The following SEM1 variants were observed in gnomAD, a reference collection of about 807,000 sequenced individuals.
SEM1 encodes the protein 26S proteasome complex subunit SEM1.
In SEM1, 3 loss-of-function variants were observed where a neutral mutation model predicts 12.7. The observed-to-expected ratio is 0.24, with a 90% CI of 0.11 to 0.61. SEM1 has a LOEUF of 0.61. Among genes scored for constraint, SEM1 ranks in the 20% least tolerant of loss-of-function variants. The probability of loss-of-function intolerance (pLI) is 0.88; values close to 1 mark genes in which losing one functional copy is unlikely to be tolerated. For synonymous variants in SEM1, 30 were observed against 27.8 expected, an observed-to-expected ratio of 1.08 and a Z score of -0.25; for missense variants, 59 against 81.3, an observed-to-expected ratio of 0.73 and a Z score of 1.06.
At chr7:96,509,153 A>ATTTTTTTTTTTTTTTTTT (rs71127457) in intron 2 of SEM1, among the ~76,000 whole-genome samples, 1 of 120,852 alleles carries the variant, frequency 8.3e-6, no homozygotes, top group African/African-American at 3.1e-5. Flanking sequence ...CGTCCAGCTA[A>ATTTTTTTTTTTTTTTTTT]TTTTTTTTTT....
At chr7:96,705,273 C>G (rs1041769559) in intron 1 of SEM1, among the ~76,000 whole-genome samples, 1 of 150,664 alleles carries the variant, frequency 6.6e-6, no homozygotes, top group Non-Finnish European at 1.5e-5. Flanking sequence ...GTATAGAATA[C>G]TTAGTATAAT....
At chr7:96,537,152 C>A (rs1563051221) in intron 2 of SEM1, among the ~76,000 whole-genome samples, 1 of 151,754 alleles carries the variant, frequency 6.6e-6, no homozygotes, top group Admixed American at 6.6e-5. Flanking sequence ...TCAAATCACA[C>A]CACCACTAAT....
At chr7:96,650,577 A>G in intron 2 of SEM1, 2 of 713,118 alleles carry the variant, frequency 2.8e-6, no homozygotes, top group Non-Finnish European at 5.1e-6. Flanking sequence ...ATTTGTAAAT[A>G]ACAACAACAA....
At chr7:96,539,186 T>C (rs1200054542) in intron 2 of SEM1, among the ~76,000 whole-genome samples, 2 of 151,812 alleles carry the variant, frequency 1.3e-5, no homozygotes, top group South Asian at 2.1e-4. Context: ...CCTTCCCCAG[T>C]TGAACCTTCA....
chr7:96,572,957 TG>T (rs994681286), intron 2 of SEM1, among the ~76,000 whole-genome samples: 1 of 152,240 alleles, frequency 6.6e-6, no homozygotes, highest in Non-Finnish European at 1.5e-5. Flanking sequence ...TTTATGAATC[TG>T]GGTGCTCCTG....
intron 2 of SEM1, among the ~76,000 whole-genome samples, chr7:96,539,607 C>T (rs73708339): frequency 0.02 from 3,031 of 151,474 alleles, 106 homozygotes; most frequent in African/African-American, 0.069. Flanking sequence ...GAAGTTATCG[C>T]ATTGAAAAAA....
intron 2 of SEM1, among the ~76,000 whole-genome samples, chr7:96,519,117 A>G (rs1804189293): frequency 6.6e-6 from 1 of 152,122 alleles, no homozygotes; most frequent in African/African-American, 2.4e-5. Context: ...TGGCACCTAG[A>G]TTTTTATGCA....
At chr7:96,653,942 G>A (rs562703688) in intron 2 of SEM1, 1 of 152,302 alleles carries the variant, frequency 6.6e-6, no homozygotes, top group African/African-American at 2.4e-5. Flanking sequence ...TATGCAATTG[G>A]AAGCTAGGCC....
In SEM1 at chr7:96,677,355, A is replaced by G. The variant is rs142237690; in HGVS notation, c.171-3496T>C. Among the ~76,000 whole-genome samples, 838 of 152,300 alleles carry G rather than the reference A, an allele frequency of 5.5e-3. 7 individuals carry two copies. The highest frequency in any genetic ancestry group is 8.7e-3 in the Non-Finnish European group (592 of 68,016). ...GTGGTTATCGTCATCTTTTCTTGGT[A>G]CAGTGACTTAGGTTTTGGACTTTGA... On this transcript the variant is annotated intron_variant, in intron 2 of 2. Coordinates refer to the SEM1 transcript ENST00000413065.
intron 2 of SEM1, among the ~76,000 whole-genome samples, chr7:96,694,403 C>T (rs548295853): frequency 1.3e-5 from 2 of 152,068 alleles, no homozygotes; most frequent in East Asian, 1.9e-4. Flanking sequence ...GAATATGACA[C>T]AGTACATTCT....
chr7:96,650,707 G>A (rs961316157), intron 2 of SEM1, among the ~76,000 whole-genome samples: 1 of 151,736 alleles, frequency 6.6e-6, no homozygotes, highest in African/African-American at 2.4e-5. Flanking sequence ...CACACTCAGA[G>A]CTCCAAAACT....
chr7:96,488,166 G>A (rs769750678), intron 1 of SEM1, among the ~76,000 whole-genome samples: 10 of 152,146 alleles, frequency 6.6e-5, no homozygotes, highest in South Asian at 4.2e-4. Context: ...GTACTATGAC[G>A]CATGAGAGAA....
chr7:96,609,839 G>A (rs1563081898), intron 2 of SEM1, among the ~76,000 whole-genome samples: 2 of 152,292 alleles, frequency 1.3e-5, no homozygotes, highest in East Asian at 3.9e-4. Context: ...TGGGAATGGT[G>A]AAAGATGAGA....
chr7:96,589,885 T>C (rs1806774439), intron 2 of SEM1, among the ~76,000 whole-genome samples: 1 of 152,180 alleles, frequency 6.6e-6, no homozygotes, highest in African/African-American at 2.4e-5. Flanking sequence ...TGCAGATGAC[T>C]TGAGTAATGG....
intron 2 of SEM1, among the ~76,000 whole-genome samples, chr7:96,594,612 CA>C (rs1806938876): frequency 6.6e-6 from 1 of 152,246 alleles, no homozygotes; most frequent in African/African-American, 2.4e-5. Flanking sequence ...GGGCACCTTC[CA>C]AATATTAAGT....
chr7:96,672,385 G>A (rs752959823), downstream of SEM1, among the ~76,000 whole-genome samples: 2 of 152,172 alleles, frequency 1.3e-5, no homozygotes, highest in South Asian at 2.1e-4. Context: ...GGAAGACATC[G>A]TAGGTAGGAG....
rs746331223 is a variant in SEM1 at position 96,622,671 on chromosome 7, T to A, written c.171-28A>T. 1.7e-5 allele frequency: 13 copies of A among 762,366 alleles called. No individual in the cohort carries two copies. The Middle Eastern group carries it at 1.1e-3, about 66-fold the overall frequency. The allele number at this position is 762,366 out of a possible 1,614,324, so 47.2% of individuals were successfully genotyped here. A position where few individuals can be genotyped will look rare whatever the true frequency, so the allele number is the denominator to read the frequency against. ...GGAAAAATTAGAAAGTAGGTGAAGG[T>A]TTTCTTTTTCAAACACCTATTAGCC... On this transcript the variant is annotated intron_variant, in intron 2 of 2. Transcript: ENST00000417009.
chr7:96,641,087 C>CA, intron 2 of SEM1, among the ~76,000 whole-genome samples: 1 of 150,898 alleles, frequency 6.6e-6, no homozygotes, highest in African/African-American at 2.4e-5. Flanking sequence ...AAAAATTTTT[C>CA]AATTTTTTCA....
chr7:96,532,803 C>T (rs1314472984), intron 2 of SEM1, among the ~76,000 whole-genome samples: 1 of 152,012 alleles, frequency 6.6e-6, no homozygotes, highest in Non-Finnish European at 1.5e-5. Flanking sequence ...CCTGAAAACC[C>T]GACTTTTTAA....
Sources: allele counts gnomAD v4.1 joint callset (sites outside exome capture counted in the v4.1 genomes callset), GRCh38; gene constraint gnomAD v4.1.1; transcripts MANE v1.5; gene names NCBI Gene and HGNC (gene_info 2026-07-23, HGNC 2026-07-21).